ZFYVE9: variants seen among roughly 807,000 people sequenced by gnomAD.
ZFYVE9 encodes the protein zinc finger FYVE-type containing 9.
A neutral mutation model predicts 126.7 loss-of-function variants in ZFYVE9; 43 were observed. That is an observed-to-expected ratio of 0.34 (90% CI 0.27 to 0.44). The LOEUF (loss-of-function observed/expected upper bound fraction) is 0.44. ZFYVE9 is among the 20% of genes least tolerant of loss of function. The pLI is 1.00. For missense variants in ZFYVE9, 1,476 were observed against 1,697.0 expected (o/e 0.87, Z 2.29); for synonymous variants, 521 against 597.4 (o/e 0.87, Z 1.87).
intron 1 of ZFYVE9, among the ~76,000 whole-genome samples, chr1:52,213,119 C>T (rs1397527710): frequency 1.3e-5 from 2 of 151,984 alleles, no homozygotes; most frequent in Non-Finnish European, 2.9e-5. Context: ...AAAGTACTGG[C>T]GTTATTTGTC....
rs552521804 is a variant in ZFYVE9 at position 52,287,494 on chromosome 1, A to G, written c.3025+5678A>G. 3.3e-5 allele frequency among the ~76,000 whole-genome samples: 5 copies of G among 151,598 alleles called. 1 individual carries two copies. The South Asian group carries it at 8.3e-4, about 25-fold the overall frequency. ...AAACTCATGTTGAACTTTAATTGCCATTAGAACAATATTAGGAGGTGGGAC... is the reference window on the plus strand; with the variant it reads ...AAACTCATGTTGAACTTTAATTGCCGTTAGAACAATATTAGGAGGTGGGAC... On this transcript the variant is annotated intron_variant, in intron 10 of 18. Transcript: ENST00000287727.
chr1:52,317,799 G>C (rs892361906), intron 13 of ZFYVE9, among the ~76,000 whole-genome samples: 1 of 152,130 alleles, frequency 6.6e-6, no homozygotes, highest in African/African-American at 2.4e-5. Context: ...GTTTTGGTCA[G>C]TGTGCGTTCA....
intron 4 of ZFYVE9, chr1:52,253,498 TA>T (rs1645472429): frequency 1.6e-6 from 1 of 618,108 alleles, no homozygotes. Context: ...TTTACACATT[TA>T]AAAAGCCACA....
chr1:52,218,459 G>A (rs1645092979), intron 2 of ZFYVE9, among the ~76,000 whole-genome samples: 2 of 152,212 alleles, frequency 1.3e-5, no homozygotes, highest in African/African-American at 4.8e-5. Context: ...TCCCATAGGG[G>A]TCCTGACCTT....
chr1:52,298,958 G>C (rs754224692), intron 12 of ZFYVE9, among the ~76,000 whole-genome samples: 1 of 151,776 alleles, frequency 6.6e-6, no homozygotes, highest in African/African-American at 2.4e-5. Context: ...ACAGGTGCCC[G>C]CCACCACGCC....
rs1234064966 is a variant in ZFYVE9 at position 52,303,900 on chromosome 1, A to G, written c.3413A>G (p.Lys1138Arg). ...VDMEVRKTSI[K>R]IPSNRYNEMM... is the part of the protein sequence containing the mutation. Reference sequence around the variant, plus strand: ...ATGGAAGTTCGGAAAACTAGCATCAAAATTCCCAGCAACAGATACAATGAG... The same window carrying G: ...ATGGAAGTTCGGAAAACTAGCATCAGAATTCCCAGCAACAGATACAATGAG... Residue 1138 changes from lysine to arginine, a missense_variant, in exon 13 of 19, where the codon AAA becomes AGA. By Grantham distance (26) the Lys-to-Arg change is conservative. Transcript: ENST00000287727. The G allele has an allele frequency of 3.1e-6, 5 of 1,602,430 alleles. No individual in the cohort carries two copies. Among genetic ancestry groups the G allele is most frequent in the Non-Finnish European group, 4.3e-6 (5 of 1,174,494 alleles).
intron 1 of ZFYVE9, among the ~76,000 whole-genome samples, chr1:52,198,128 T>TTG (rs1422463360): frequency 0.011 from 1,409 of 133,250 alleles, 71 homozygotes; most frequent in African/African-American, 0.021. Context: ...TTGTTTGTTT[T>TTG]TTTTTTTTTT....
At position 52,346,278 on chromosome 1, in the gene ZFYVE9, A is replaced by G; in HGVS notation, c.*57A>G. On this transcript the variant is annotated 3_prime_UTR_variant, in exon 19 of 19. Transcript: ENST00000287727. ...CTTGTTGCAACAGCAGTCATACCCA[A>G]ATCATTTGCACTTTAAAACTGGAAG... 6.9e-7 allele frequency: 1 copy of G among 1,456,606 alleles called. No homozygotes were observed. 90.2% of individuals were successfully genotyped at this position (1,456,606 alleles called of 1,614,324 possible).
intron 1 of ZFYVE9, among the ~76,000 whole-genome samples, chr1:52,145,451 ATG>A (rs899558211): frequency 1.7e-4 from 26 of 152,194 alleles, no homozygotes; most frequent in African/African-American, 5.8e-4. Context: ...TGGCGTATAT[ATG>A]TGTGTTTTAT....
chr1:52,157,867 G>T (rs1224733215), intron 1 of ZFYVE9, among the ~76,000 whole-genome samples: 1 of 152,042 alleles, frequency 6.6e-6, no homozygotes, highest in African/African-American at 2.4e-5. Context: ...TTAGAGGAGC[G>T]CCACCACTGA....
At chr1:52,154,894 T>C (rs1450324740) in intron 1 of ZFYVE9, among the ~76,000 whole-genome samples, 1 of 152,216 alleles carries the variant, frequency 6.6e-6, no homozygotes, top group Admixed American at 6.5e-5. Flanking sequence ...TAAGCAAAAC[T>C]TTGGCTTTTT....
At chr1:52,218,156 T>A (rs552107966) in intron 2 of ZFYVE9, among the ~76,000 whole-genome samples, 48 of 152,294 alleles carry the variant, frequency 3.2e-4, no homozygotes, top group African/African-American at 1.1e-3. Flanking sequence ...TCTTTTTTTC[T>A]TCTGGTTACC....
At chr1:52,209,626 CATA>C (rs1645009515) in intron 1 of ZFYVE9, among the ~76,000 whole-genome samples, 1 of 152,100 alleles carries the variant, frequency 6.6e-6, no homozygotes, top group South Asian at 2.1e-4. Flanking sequence ...TTTCACTTAG[CATA>C]ATGTTTTCAA....
chr1:52,272,979 C>G (rs761108287), intron 7 of ZFYVE9, among the ~76,000 whole-genome samples: 41 of 149,850 alleles, frequency 2.7e-4, no homozygotes, highest in Middle Eastern at 3.6e-3. Context: ...TATTGTTATA[C>G]ATGTTAAAAA....
chr1:52,177,575 A>C (rs929650861), intron 1 of ZFYVE9, among the ~76,000 whole-genome samples: 1 of 152,222 alleles, frequency 6.6e-6, no homozygotes, highest in Admixed American at 6.5e-5. Context: ...CCATCAAGGA[A>C]TTAAAGGACT....
At chr1:52,278,952 G>A (rs1645775730) in intron 9 of ZFYVE9, among the ~76,000 whole-genome samples, 1 of 151,796 alleles carries the variant, frequency 6.6e-6, no homozygotes, top group South Asian at 2.1e-4. Context: ...TGTTAGCCAG[G>A]ATGGTCTTGA....
chr1:52,240,529 A>C (rs1645322384), intron 4 of ZFYVE9, among the ~76,000 whole-genome samples: 1 of 152,138 alleles, frequency 6.6e-6, no homozygotes, highest in Admixed American at 6.5e-5. Context: ...TTTCAACTTC[A>C]AGGAACAGAG....
At chr1:52,178,371 G>A (rs7548014) in intron 1 of ZFYVE9, among the ~76,000 whole-genome samples, 10 of 136,792 alleles carry the variant, frequency 7.3e-5, no homozygotes, top group South Asian at 4.6e-4. Context: ...TCGCACTATC[G>A]CCCAGGCAGG....
chr1:52,189,499 AGTGCTGGAATTACAG>A (rs1245098067), intron 1 of ZFYVE9, among the ~76,000 whole-genome samples: 6 of 151,988 alleles, frequency 3.9e-5, no homozygotes, highest in Non-Finnish European at 8.8e-5. Flanking sequence ...GGCCTCCCAA[AGTGCTGGAATTACAG>A]GTGCGAGCCA....
Sources: gnomAD v4.1 joint callset for allele counts (sites outside exome capture counted in the v4.1 genomes callset) on GRCh38, gnomAD v4.1.1 for gene constraint, MANE v1.5 for transcripts, NCBI Gene and HGNC (gene_info 2026-07-23, HGNC 2026-07-21) for gene names.